Variants in VAV2 observed in about 807,000 individuals in gnomAD.
The protein encoded by VAV2 is guanine nucleotide exchange factor VAV2.
VAV2 carries 67 observed loss-of-function variants against 132.5 expected under a neutral mutation model. That is an observed-to-expected ratio of 0.51 (90% CI 0.42 to 0.62). The LOEUF (loss-of-function observed/expected upper bound fraction) is 0.62. VAV2 is among the 20% of genes least tolerant of loss of function. The pLI is 0.00. For synonymous variants in VAV2, 492 were observed against 443.5 expected, an observed-to-expected ratio of 1.11 and a Z score of -1.37; for missense variants, 938 against 1,153.6, an observed-to-expected ratio of 0.81 and a Z score of 2.71.
At chr9:133,805,313 A>G (rs1835089826) in intron 9 of VAV2, among the ~76,000 whole-genome samples, 1 of 152,152 alleles carries the variant, frequency 6.6e-6, no homozygotes. Context: ...CAAGCTCCCC[A>G]GTGGCTCTAG....
chr9:133,923,202 G>A (rs896074921), intron 2 of VAV2, among the ~76,000 whole-genome samples: 1 of 152,226 alleles, frequency 6.6e-6, no homozygotes, highest in Non-Finnish European at 1.5e-5. Flanking sequence ...TGTTGGTGAA[G>A]ATGTGGAGAA....
chr9:133,868,469 AC>A (rs1837894840), intron 2 of VAV2, among the ~76,000 whole-genome samples: 1 of 152,124 alleles, frequency 6.6e-6, no homozygotes, highest in African/African-American at 2.4e-5. Context: ...AACAGTGTCT[AC>A]CCGTGTGGCT....
chr9:133,949,358 G>T (rs1741475040), intron 1 of VAV2, among the ~76,000 whole-genome samples: 1 of 152,188 alleles, frequency 6.6e-6, no homozygotes, highest in African/African-American at 2.4e-5. Flanking sequence ...CAGCTTTCCA[G>T]CTTTGGTTCA....
In VAV2 at chr9:133,885,593, C is replaced by T. The variant is rs1019498458; in HGVS notation, c.322-24161G>A. Among the ~76,000 whole-genome samples, 2 of 152,208 alleles carry T rather than the reference C, an allele frequency of 1.3e-5. No homozygotes were observed. Among genetic ancestry groups the T allele is most frequent in the Admixed American group, 6.5e-5 (1 of 15,276 alleles). On this transcript the variant is annotated intron_variant, in intron 2 of 29. Coordinates refer to ENST00000371850, the MANE Select transcript of VAV2 (RefSeq NM_001134398.2). The surrounding 1 kb of genome is among the most constrained non-coding windows in gnomAD (Gnocchi z 5.0). ...CAAGGTGCTCAGGCCGCAGGGGAGA[C>T]GTGACCCCAGGGCGGACCCCTCCCA... is the stretch of plus-strand genomic sequence containing the variant.
chr9:133,770,268 G>A, intron 27 of VAV2, 110 bp downstream of exon 27: 1 of 1,529,928 alleles, frequency 6.5e-7, no homozygotes, highest in Non-Finnish European at 8.8e-7. Flanking sequence ...GTGTTCCCCA[G>A]GGTGGGACTC....
chr9:133,843,802 G>A (rs754691533), intron 3 of VAV2, among the ~76,000 whole-genome samples: 5 of 152,198 alleles, frequency 3.3e-5, no homozygotes, highest in South Asian at 2.1e-4. Flanking sequence ...GGGCTGGCCC[G>A]GTGTGGCCAC....
chr9:133,844,402 G>A (rs951410557), intron 3 of VAV2, among the ~76,000 whole-genome samples: 2 of 152,156 alleles, frequency 1.3e-5, no homozygotes, highest in Admixed American at 6.5e-5. Context: ...CCCAGGCTTG[G>A]CAGGAAACCC....
At chr9:133,874,117 C>T (rs1838169842) in intron 2 of VAV2, among the ~76,000 whole-genome samples, 1 of 152,244 alleles carries the variant, frequency 6.6e-6, no homozygotes. Context: ...CCACGCCGCC[C>T]TGCCCTGGAG....
intron 2 of VAV2, among the ~76,000 whole-genome samples, chr9:133,901,837 C>T (rs935790411): frequency 6.6e-6 from 1 of 152,246 alleles, no homozygotes; most frequent in Non-Finnish European, 1.5e-5. Flanking sequence ...TCCCAGGAGA[C>T]GGGCCGATGG....
intron 3 of VAV2, among the ~76,000 whole-genome samples, chr9:133,855,985 T>C (rs1256657904): frequency 2.0e-5 from 3 of 152,164 alleles, no homozygotes; most frequent in African/African-American, 7.2e-5. Flanking sequence ...TAAAGAGGAA[T>C]GACGCAATGA....
At chr9:133,770,835 G>C (rs1381338979) in intron 26 of VAV2, among the ~76,000 whole-genome samples, 4 of 152,210 alleles carry the variant, frequency 2.6e-5, no homozygotes, top group Admixed American at 1.3e-4. Flanking sequence ...GGATCTCCAA[G>C]TGACAGAGAG....
At chr9:133,960,289 C>G (rs978658082) in intron 1 of VAV2, among the ~76,000 whole-genome samples, 1 of 152,182 alleles carries the variant, frequency 6.6e-6, no homozygotes, top group African/African-American at 2.4e-5. Context: ...AAGTTCTTAT[C>G]TGTGGGGGTT....
chr9:133,969,535 C>A lies in VAV2; in HGVS notation c.204+22540G>T, dbSNP rs866269732. On this transcript the variant is annotated intron_variant, in intron 1 of 29. Transcript: ENST00000371850. This position sits in a 1 kb window ranked among gnomAD's most constrained non-coding sequence, Gnocchi z 5.1. ...ACCTCAGGGGTGGAGCTGAAACACCCCAACCCTGACCAGAGCGGATTCCAG... is the reference window on the plus strand; with the variant it reads ...ACCTCAGGGGTGGAGCTGAAACACCACAACCCTGACCAGAGCGGATTCCAG... Among the ~76,000 whole-genome samples, 2 of 152,050 alleles carry A rather than the reference C, an allele frequency of 1.3e-5. No individual in the cohort carries two copies. Among genetic ancestry groups the A allele is most frequent in the Non-Finnish European group, 2.9e-5 (2 of 67,998 alleles).
intron 1 of VAV2, among the ~76,000 whole-genome samples, chr9:133,979,184 G>A (rs971000157): frequency 4.6e-5 from 7 of 152,216 alleles, no homozygotes; most frequent in Admixed American, 6.5e-5. Context: ...AGACATGTCC[G>A]CCGAGCACTT....
In VAV2 at chr9:133,802,824, A is replaced by G. The variant is rs1834987372; in HGVS notation, c.836+3257T>C. On this transcript the variant is annotated intron_variant, in intron 9 of 29. Coordinates refer to ENST00000371850, the MANE Select transcript of VAV2 (RefSeq NM_001134398.2). This position sits in a 1 kb window ranked among gnomAD's most constrained non-coding sequence, Gnocchi z 5.8. ...CAGGCCAGCGTGGATTGAGGACCAC[A>G]GGCCATGGGCTCAGGTATGGACCAA... Among the ~76,000 whole-genome samples, 2 of 152,214 alleles carry G rather than the reference A, an allele frequency of 1.3e-5. No homozygotes were observed.
chr9:133,779,749 C>T (rs1340827177), intron 21 of VAV2, among the ~76,000 whole-genome samples, 169 bp downstream of exon 21: 3 of 152,146 alleles, frequency 2.0e-5, no homozygotes, highest in Non-Finnish European at 2.9e-5. Context: ...AAGGAGGTGC[C>T]ATAGAGGCCA....
intron 1 of VAV2, among the ~76,000 whole-genome samples, chr9:133,957,967 G>A (rs1199306355): frequency 6.8e-6 from 1 of 148,030 alleles, no homozygotes; most frequent in South Asian, 2.3e-4. Flanking sequence ...ATTAAGGGCG[G>A]TGCAGGATGT....
chr9:133,959,418 A>C (rs2789859), intron 1 of VAV2, among the ~76,000 whole-genome samples: 98,866 of 151,936 alleles, frequency 0.65, 32,328 homozygotes, highest in East Asian at 0.78. Flanking sequence ...TCCCAGGGTG[A>C]CCACCTCTCA....
intron 2 of VAV2, among the ~76,000 whole-genome samples, chr9:133,868,300 G>A (rs1416201699): frequency 2.0e-5 from 3 of 152,264 alleles, no homozygotes; most frequent in Non-Finnish European, 2.9e-5. Context: ...GAGGTGGGGC[G>A]CGGTGGGGAG....
Sources: gnomAD v4.1 joint callset for allele counts (sites outside exome capture counted in the v4.1 genomes callset) on GRCh38, gnomAD v4.1.1 for gene constraint, Gnocchi (gnomAD v3.1) non-coding constraint, MANE v1.5 for transcripts, NCBI Gene and HGNC (gene_info 2026-07-23, HGNC 2026-07-21) for gene names.